The following PPP6R2 variants were observed in gnomAD, a reference collection of about 807,000 sequenced individuals.
PPP6R2 encodes serine/threonine-protein phosphatase 6 regulatory subunit 2.
PPP6R2 carries 62 observed loss-of-function variants against 100.2 expected under a neutral mutation model. That is an observed-to-expected ratio of 0.62 (90% CI 0.50 to 0.76). PPP6R2 has a LOEUF of 0.76. Ranked by LOEUF, PPP6R2 falls within the 30% of genes least tolerant of loss-of-function variation. The probability of loss-of-function intolerance (pLI) is 0.00; values close to 1 mark genes in which losing one functional copy is unlikely to be tolerated. For missense variants in PPP6R2, 1,142 were observed against 1,276.3 expected (o/e 0.89, Z 1.60); for synonymous variants, 525 against 514.7 (o/e 1.02, Z -0.27).
rs1032022129 is a variant in PPP6R2, at chr22:50,420,853, G to A, written c.845+1391G>A. Among the ~76,000 whole-genome samples, 11 of 152,294 alleles carry A rather than the reference G, an allele frequency of 7.2e-5. No individual in the cohort carries two copies. In the South Asian group the frequency reaches 1.2e-3, roughly 17 times the overall value. ...TCTGGATTCAGGTTCCCCACATGCCGGCAGGAACCTGATGTCTCAGGACGT... is the reference window on the plus strand; with the variant it reads ...TCTGGATTCAGGTTCCCCACATGCCAGCAGGAACCTGATGTCTCAGGACGT... On this transcript the variant is annotated intron_variant, in intron 8 of 23. Coordinates refer to ENST00000612753, the MANE Select transcript of PPP6R2 (RefSeq NM_001242898.2).
At chr22:50,335,031 G>A in the PPP6R2 span, among the ~76,000 whole-genome samples, 5 of 151,952 alleles carry the variant, frequency 3.3e-5, no homozygotes, top group African/African-American at 1.2e-4. Flanking sequence ...ATTTGGGGGA[G>A]AATTGCTATC....
chr22:50,356,616 G>A (rs564032403), intron 1 of PPP6R2, among the ~76,000 whole-genome samples: 1 of 152,166 alleles, frequency 6.6e-6, no homozygotes, highest in Admixed American at 6.5e-5. Flanking sequence ...TAACATAGAT[G>A]TATGTTTCAC....
chr22:50,351,786 G>A (rs568175228), intron 1 of PPP6R2, among the ~76,000 whole-genome samples: 1 of 151,012 alleles, frequency 6.6e-6, no homozygotes, highest in South Asian at 2.1e-4. Context: ...GGTAGCCGCC[G>A]CCATACCCAG....
At chr22:50,438,397 C>T (rs2064856773) in intron 18 of PPP6R2, 99 bp downstream of exon 18, 3 of 1,528,982 alleles carry the variant, frequency 2.0e-6, no homozygotes, top group African/African-American at 2.8e-5. Flanking sequence ...GCTTGCAGAG[C>T]AGCCACACCT....
chr22:50,422,611 C>T (rs918266241), intron 9 of PPP6R2, among the ~76,000 whole-genome samples: 2 of 152,188 alleles, frequency 1.3e-5, no homozygotes, highest in Admixed American at 6.5e-5. Context: ...CTGCAAATGA[C>T]CCCGAGGTCA....
In PPP6R2 at chr22:50,444,202, G is replaced by C. The variant is rs1427073788; in HGVS notation, c.2835G>C (p.Lys945Asn). The C allele has an allele frequency of 6.2e-7, 1 of 1,613,038 alleles. No individual in the cohort carries two copies. The highest frequency in any genetic ancestry group is 8.5e-7 in the Non-Finnish European group (1 of 1,179,814). ...CAACCCCACCCCATTCCTGCAGGAA[G>C]ACAGATGCCCCGCCAGAAGGAGCTG... ...ATLGTVTKDG[K>N]TDAPPEGAAL... Residue 945 changes from lysine (K) to asparagine (N), a missense_variant, in exon 24 of 24, where the codon AAG (lysine) becomes AAC (asparagine). Lys to Asn is a moderately conservative substitution (Grantham distance 94). This residue lies in a region of PPP6R2 where 550 missense variants were observed against 517.4 expected (regional missense o/e 1.06). Transcript: ENST00000612753.
In PPP6R2 at chr22:50,422,302, C is replaced by G; in HGVS notation, c.894C>G (p.Tyr298Ter). Residue 298 changes from tyrosine to a stop codon, truncating the protein, a stop_gained, in exon 9 of 24, where the codon TAC (tyrosine) becomes TAG (stop). Coordinates refer to ENST00000612753, the MANE Select transcript of PPP6R2 (RefSeq NM_001242898.2). LOFTEE classifies it high-confidence loss of function. ...DSFSQGLERSYAVSSSVLHGI... is the reference protein window; with the variant it reads ...DSFSQGLERS ...TTTCTCAGGGACTGGAAAGGTCATA[C>G]GCTGTCAGCAGCAGCGTACTACACG... The G allele has an allele frequency of 6.2e-7, 1 of 1,614,084 alleles. No homozygotes were observed. Among genetic ancestry groups the G allele is most frequent in the Non-Finnish European group, 8.5e-7 (1 of 1,179,984 alleles).
At chr22:50,354,484 T>A (rs182301080) in intron 1 of PPP6R2, among the ~76,000 whole-genome samples, 1 of 152,134 alleles carries the variant, frequency 6.6e-6, no homozygotes, top group East Asian at 1.9e-4. Flanking sequence ...CTTTTTTTAT[T>A]TTTATTTTTT....
In PPP6R2 at chr22:50,423,359, C is replaced by G. The variant is rs917186053; in HGVS notation, c.973-103C>G. 7 of 1,428,786 alleles carry G rather than the reference C, an allele frequency of 4.9e-6. No individual in the cohort carries two copies. The South Asian group carries it at 8.8e-5, about 18-fold the overall frequency. 88.5% of individuals were successfully genotyped at this position (1,428,786 alleles called of 1,614,324 possible). On this transcript the variant is annotated intron_variant, in intron 9 of 23. Transcript: ENST00000612753. The surrounding 1 kb of genome is among the most constrained non-coding windows in gnomAD (Gnocchi z 4.8). ...ACCCCCACCACATACCTCGCTACCC[C>G]AGGCTGGGTCCCAGCCTAGAGTGAT...
intron 19 of PPP6R2, 137 bp downstream of exon 19, chr22:50,438,899 A>G (rs188198014): frequency 2.2e-5 from 21 of 960,584 alleles, no homozygotes; most frequent in Admixed American, 5.6e-5. Context: ...ATCCCCAGCT[A>G]TTTCCCAGCC....
rs779689524 is a variant in PPP6R2 at position 50,416,183 on chromosome 22, G to A, written c.618+26G>A. Reference sequence around the variant, plus strand: ...GTGAGTGTGCTGCTTACCGAGCTTCGTGCATCAGTCCAGGCCTGTGCTGCC... The same window carrying A: ...GTGAGTGTGCTGCTTACCGAGCTTCATGCATCAGTCCAGGCCTGTGCTGCC... On this transcript the variant is annotated intron_variant, in intron 6 of 23. Coordinates refer to ENST00000612753, the MANE Select transcript of PPP6R2 (RefSeq NM_001242898.2). 175 of 1,603,212 alleles carry A rather than the reference G, an allele frequency of 1.1e-4. No individual in the cohort carries two copies. The Admixed American group carries it at 2.5e-3, about 23-fold the overall frequency.
At chr22:50,366,987 T>TTA (rs2048898190) in intron 1 of PPP6R2, among the ~76,000 whole-genome samples, 1 of 148,306 alleles carries the variant, frequency 6.7e-6, no homozygotes, top group Non-Finnish European at 1.5e-5. Flanking sequence ...TATGTTTTCT[T>TTA]TTTTTTTTTT....
Position 50,444,270 on chromosome 22 carries a change from C to A in PPP6R2, c.*23C>A. On this transcript the variant is annotated 3_prime_UTR_variant, in exon 24 of 24. Transcript: ENST00000612753. The stretch of plus-strand genomic sequence containing the variant: ...TGATGCTGCTGCCGCCCGGCCACGG[C>A]CCACCCTGGTCAGGCTGCCTCCTTA... 1 of 1,611,306 alleles carries A rather than the reference C, an allele frequency of 6.2e-7. No individual in the cohort carries two copies. Among genetic ancestry groups the A allele is most frequent in the Non-Finnish European group, 8.5e-7 (1 of 1,179,252 alleles).
intron 2 of PPP6R2, among the ~76,000 whole-genome samples, chr22:50,387,238 C>CT (rs1028267495): frequency 6.6e-6 from 1 of 151,898 alleles, no homozygotes; most frequent in South Asian, 2.1e-4. Flanking sequence ...GTTTTTAAAA[C>CT]TTTTTTTGTA....
chr22:50,419,574 C>A (rs78116135), intron 8 of PPP6R2, 112 bp downstream of exon 8: 596 of 732,710 alleles, frequency 8.1e-4, no homozygotes, highest in Non-Finnish European at 1.3e-3. Context: ...TTTGATTATG[C>A]AAGTAACAAC....
chr22:50,368,032 C>T (rs559568295), intron 1 of PPP6R2, among the ~76,000 whole-genome samples: 5 of 152,244 alleles, frequency 3.3e-5, no homozygotes, highest in African/African-American at 7.2e-5. Context: ...GTAGCCGAGG[C>T]GGACAGAGAG....
chr22:50,438,160 GTTTTACTCTGCA>G lies in PPP6R2; in HGVS notation c.1840-13_1840-2del. 1 of 1,605,458 alleles carries G rather than the reference GTTTTACTCTGCA, an allele frequency of 6.2e-7. No homozygotes were observed. Among genetic ancestry groups the G allele is most frequent in the Non-Finnish European group, 8.5e-7 (1 of 1,176,300 alleles). On this transcript the variant is annotated splice_acceptor_variant and splice_polypyrimidine_tract_variant and intron_variant, in intron 17 of 23. Transcript: ENST00000612753. LOFTEE classifies it high-confidence loss of function. ...AGACCCTCTGGAAACTCACCTTGGCGTTTTACTCTGCAGCCCAGCGCAGCTCTGTTTGAGGCC... is the reference window on the plus strand; with the variant it reads ...AGACCCTCTGGAAACTCACCTTGGCGGCCCAGCGCAGCTCTGTTTGAGGCC...
chr22:50,335,776 C>T, the PPP6R2 span, among the ~76,000 whole-genome samples: 4 of 142,194 alleles, frequency 2.8e-5, 1 homozygote, highest in South Asian at 2.3e-4. Context: ...CCTGAGTTCA[C>T]GCCGTTCTCC....
intron 2 of PPP6R2, among the ~76,000 whole-genome samples, chr22:50,388,735 G>A (rs1430740238): frequency 1.3e-5 from 2 of 152,088 alleles, no homozygotes; most frequent in Non-Finnish European, 2.9e-5. Flanking sequence ...AGCTGGGTAT[G>A]GTGGCAGGCA....
Sources: allele counts gnomAD v4.1 joint callset (sites outside exome capture counted in the v4.1 genomes callset), GRCh38; gene constraint gnomAD v4.1.1; regional missense constraint gnomAD v4.1.1; non-coding constraint Gnocchi (gnomAD v3.1); transcripts MANE v1.5; gene names NCBI Gene and HGNC (gene_info 2026-07-23, HGNC 2026-07-21).